Variants in PIGR observed in about 807,000 individuals in gnomAD.
PIGR encodes hepatocellular carcinoma associated protein TB6.
Under a neutral mutation model 69.5 loss-of-function variants are expected in PIGR, and 22 were observed. The ratio of observed to expected loss-of-function variants is 0.32; its 90% CI spans 0.23 to 0.45. The LOEUF (loss-of-function observed/expected upper bound fraction) is 0.45. PIGR is among the 20% of genes least tolerant of loss of function. PIGR has a pLI of 1.00. For synonymous variants in PIGR, 413 were observed against 407.6 expected (o/e 1.01, Z -0.16); for missense variants, 885 against 974.0 (o/e 0.91, Z 1.22).
At chr1:206,931,331 T>C in intron 10 of PIGR, 166 bp downstream of exon 10, 14 of 1,503,208 alleles carry the variant, frequency 9.3e-6, no homozygotes, top group Non-Finnish European at 1.2e-5. Context: ...ACCAGTAAGA[T>C]ATAGTTCTTC....
chr1:206,935,867 G>T lies in PIGR; in HGVS notation c.1046-49C>A. The T allele has an allele frequency of 1.4e-6, 2 of 1,385,402 alleles. No individual in the cohort carries two copies. The highest frequency in any genetic ancestry group is 9.9e-7 in the Non-Finnish European group (1 of 1,012,750). 85.8% of individuals were successfully genotyped at this position (1,385,402 alleles called of 1,614,324 possible). A position where few individuals can be genotyped will look rare whatever the true frequency, so the allele number is the denominator to read the frequency against. On this transcript the variant is annotated intron_variant, in intron 4 of 10. Transcript: ENST00000356495. This position sits in a 1 kb window ranked among gnomAD's most constrained non-coding sequence, Gnocchi z 4.4. ...ATGGGAGGATGGCCACGCAGGAAGA[G>T]CCTTGCGTGGCCTGAGAAGCCTTCT...
chr1:206,942,892 T>A, intron 1 of PIGR, among the ~76,000 whole-genome samples: 1 of 152,168 alleles, frequency 6.6e-6, no homozygotes, highest in East Asian at 1.9e-4. Context: ...CAGTCCTAGA[T>A]GGGATGATTG....
rs1679760612 is a variant in PIGR at position 206,931,868 on chromosome 1, G to T, written c.2009-66C>A. ...GGGACCTAGAAGGCCAGGCTGGGCT[G>T]CTTCTCTCTGGGCGGATCCACTGTA... On this transcript the variant is annotated intron_variant, in intron 8 of 10. Transcript: ENST00000356495. The T allele has an allele frequency of 4.4e-6, 7 of 1,585,972 alleles. 1 individual carries two copies. In the East Asian group the frequency reaches 6.7e-5, roughly 15 times the overall value.
rs2102595766 is a variant in PIGR, at chr1:206,930,660, C to A, written c.2200-247G>T. 2 of 985,400 alleles carry A rather than the reference C, an allele frequency of 2.0e-6. No homozygotes were observed. The highest frequency in any genetic ancestry group is 4.7e-5 in the South Asian group (1 of 21,280). The allele number at this position is 985,400 out of a possible 1,614,324, so 61.0% of individuals were successfully genotyped here. ...CCTCCTTCTGACACACGGAGTGGAA[C>A]CGCCTCTGTTGCCCGGGCCTGTCCC... On this transcript the variant is annotated intron_variant, in intron 10 of 10. Transcript: ENST00000356495. The surrounding 1 kb of genome is among the most constrained non-coding windows in gnomAD (Gnocchi z 4.3).
At chr1:206,945,873 C>A (rs938590121) in intron 1 of PIGR, among the ~76,000 whole-genome samples, 2 of 152,170 alleles carry the variant, frequency 1.3e-5, no homozygotes, top group African/African-American at 4.8e-5. Context: ...CTAGAGGTTA[C>A]AAAGCTATTT....
rs1163925253 is a variant in PIGR at position 206,932,517 on chromosome 1, C to T, written c.1947G>A (p.Leu649=). ...ALVSTLVPLG[L]VLAVGAVAVG... ...CAGCCACGGCTCCCACTGCCAGCAC[C>T]AGGCCCAGGGGCACCAGGGTGGAGA... The change falls in exon 8 of 11, where the codon CTG becomes CTA. Residue 649 remains leucine (L), a synonymous_variant. Coordinates refer to ENST00000356495, the MANE Select transcript of PIGR (RefSeq NM_002644.4). 6.2e-7 allele frequency: 1 copy of T among 1,613,662 alleles called. No homozygotes were observed. Among genetic ancestry groups the T allele is most frequent in the Non-Finnish European group, 8.5e-7 (1 of 1,180,002 alleles).
In PIGR at chr1:206,933,045, C is replaced by G; in HGVS notation, c.1827G>C (p.Lys609Asn). The G allele has an allele frequency of 6.2e-7, 1 of 1,614,212 alleles. No homozygotes were observed. The highest frequency in any genetic ancestry group is 8.5e-7 in the Non-Finnish European group (1 of 1,180,040). ...CTTGATCTCTTGTATCTGCCACCGC[C>G]TTTTCCTCTGCAAAAAGCCTGGGAT... ...IQDPRLFAEEKAVADTRDQAD... is the reference protein window; with the variant it reads ...IQDPRLFAEENAVADTRDQAD... Residue 609 changes from lysine to asparagine, a missense_variant, in exon 7 of 11, where the codon AAG becomes AAC. Lys to Asn is a moderately conservative substitution (Grantham distance 94, BLOSUM62 0). Transcript: ENST00000356495.
chr1:206,935,623 G>A lies in PIGR; in HGVS notation c.1241C>T (p.Ser414Phe). ...WVKAQYEGRL[S>F]LLEEPGNGTF... ...GCCGTTGCCTGGCTCCTCCAGCAGGGAGAGGCGGCCCTCGTACTGGGCCTT... is the reference window on the plus strand; with the variant it reads ...GCCGTTGCCTGGCTCCTCCAGCAGGAAGAGGCGGCCCTCGTACTGGGCCTT... Residue 414 changes from serine to phenylalanine, a missense_variant, in exon 5 of 11, where the codon TCC becomes TTC. Physicochemically the swap from Ser to Phe is radical, Grantham distance 155 (BLOSUM62 -2). Coordinates refer to ENST00000356495, the MANE Select transcript of PIGR (RefSeq NM_002644.4). This position sits in a 1 kb window ranked among gnomAD's most constrained non-coding sequence, Gnocchi z 4.4. 6.2e-7 allele frequency: 1 copy of A among 1,614,178 alleles called. No individual in the cohort carries two copies. The highest frequency in any genetic ancestry group is 8.5e-7 in the Non-Finnish European group (1 of 1,180,026).
Position 206,932,449 on chromosome 1 carries a change from G to A in PIGR, c.2008+7C>T. 1.2e-6 allele frequency: 2 copies of A among 1,608,620 alleles called. No homozygotes were observed. The highest frequency in any genetic ancestry group is 1.7e-6 in the Non-Finnish European group (2 of 1,178,154). On this transcript the variant is annotated splice_region_variant and intron_variant, in intron 8 of 10. Coordinates refer to ENST00000356495, the MANE Select transcript of PIGR (RefSeq NM_002644.4). ...GGTGGGAGGCAGGGAGTATCCCAGG[G>A]ACTCACCGACGTTCTTCCTGTGCCG...
At chr1:206,945,405 A>G (rs1293957791) in intron 1 of PIGR, among the ~76,000 whole-genome samples, 2 of 152,184 alleles carry the variant, frequency 1.3e-5, no homozygotes. Context: ...GGACGGTCCC[A>G]CTGCTGGCTT....
intron 6 of PIGR, among the ~76,000 whole-genome samples, chr1:206,933,480 A>G (rs1314162099): frequency 6.6e-6 from 1 of 152,136 alleles, no homozygotes; most frequent in Non-Finnish European, 1.5e-5. Context: ...ACGCTGCCCC[A>G]GGCTTCCTGA....
chr1:206,934,735 G>A lies in PIGR; in HGVS notation c.1390C>T (p.Leu464Phe), dbSNP rs1241703595. The change falls in exon 6 of 11, where the codon CTC becomes TTC. Residue 464 changes from leucine to phenylalanine, a missense_variant. By Grantham distance (22) the Leu-to-Phe change is conservative (BLOSUM62 0). Transcript: ENST00000356495. The part of the protein sequence containing the change: ...EIKIIEGEPN[L>F]KVPGNVTAVL... The stretch of plus-strand genomic sequence containing the variant: ...GCCGTGACATTCCCTGGTACCTTGA[G>A]GTTTGGTTCTCCTGGAGGAGGGAGG... 1.2e-6 allele frequency: 2 copies of A among 1,604,844 alleles called. No individual in the cohort carries two copies. The highest frequency in any genetic ancestry group is 2.2e-5 in the East Asian group (1 of 44,858).
chr1:206,943,161 C>A (rs1680029773), intron 1 of PIGR, among the ~76,000 whole-genome samples: 1 of 152,156 alleles, frequency 6.6e-6, no homozygotes. Context: ...ATGTTGGGCA[C>A]CTGCTACGTG....
chr1:206,934,185 TA>T (rs1409477123), intron 6 of PIGR, among the ~76,000 whole-genome samples: 1 of 152,222 alleles, frequency 6.6e-6, no homozygotes, highest in Non-Finnish European at 1.5e-5. Flanking sequence ...ATGCCGAGGT[TA>T]AATAGCAAAC....
chr1:206,937,690 G>A lies in PIGR; in HGVS notation c.450C>T (p.Ile150=). 1 of 1,614,034 alleles carries A rather than the reference G, an allele frequency of 6.2e-7. No individual in the cohort carries two copies. Among genetic ancestry groups the A allele is most frequent in the Non-Finnish European group, 8.5e-7 (1 of 1,179,958 alleles). Residue 150 remains isoleucine, a synonymous_variant, in exon 4 of 11, where the codon ATC becomes ATT. Transcript: ENST00000356495. Reference sequence around the variant, plus strand: ...CATTCTCAGTCTTGAAAGGGCAGTTGATGGTCACCGTTCTGCCCAGGTCCA... The same window carrying A: ...CATTCTCAGTCTTGAAAGGGCAGTTAATGGTCACCGTTCTGCCCAGGTCCA... ...YTVDLGRTVT[I]NCPFKTENAQ...
At chr1:206,942,189 C>T (rs184334384) in intron 1 of PIGR, among the ~76,000 whole-genome samples, 1 of 152,196 alleles carries the variant, frequency 6.6e-6, no homozygotes, top group Non-Finnish European at 1.5e-5. Flanking sequence ...AACGTTGAGG[C>T]TCTCTTGAGT....
Position 206,937,535 on chromosome 1 carries a change from A to T in PIGR, c.605T>A (p.Leu202Gln), listed in dbSNP as rs757168047. The T allele has an allele frequency of 6.2e-7, 1 of 1,614,248 alleles. No individual in the cohort carries two copies. Among genetic ancestry groups the T allele is most frequent in the Non-Finnish European group, 8.5e-7 (1 of 1,180,046 alleles). Reference protein sequence around the residue: ...RLDIQGTGQLLFSVVINQLRL... With the variant: ...RLDIQGTGQLQFSVVINQLRL... ...GAGTTGGTTGATGACAACGCTGAAC[A>T]GTAACTGGCCAGTACCCTGAATATC... The change falls in exon 4 of 11, where the codon CTG (leucine) becomes CAG (glutamine). Residue 202 changes from leucine to glutamine, a missense_variant. Leu to Gln is a moderately radical substitution (Grantham distance 113). Coordinates refer to ENST00000356495, the MANE Select transcript of PIGR (RefSeq NM_002644.4).
At chr1:206,934,807 A>G in intron 5 of PIGR, 61 bp from the exon 6 acceptor site, 1 of 1,216,604 alleles carries the variant, frequency 8.2e-7, no homozygotes, top group Non-Finnish European at 1.2e-6. Flanking sequence ...TGCTGCAGGG[A>G]AGTGACTCTG....
In PIGR at chr1:206,939,400, A is replaced by G; in HGVS notation, c.107T>C (p.Val36Ala). 3 of 1,614,144 alleles carry G rather than the reference A, an allele frequency of 1.9e-6. No homozygotes were observed. Among genetic ancestry groups the G allele is most frequent in the Non-Finnish European group, 2.5e-6 (3 of 1,179,978 alleles). The change falls in exon 3 of 11, where the codon GTG becomes GCG. Residue 36 changes from valine to alanine, a missense_variant. By Grantham distance (64) the Val-to-Ala change is moderately conservative (BLOSUM62 0). Coordinates refer to ENST00000356495, the MANE Select transcript of PIGR (RefSeq NM_002644.4). Reference sequence around the variant, plus strand: ...GGGTGGGTAGTAGCACGTGATGGACACTGAGTTACCTTCCACACTATTCAC... The same window carrying G: ...GGGTGGGTAGTAGCACGTGATGGACGCTGAGTTACCTTCCACACTATTCAC... ...EEVNSVEGNS[V>A]SITCYYPPTS... is the part of the protein sequence containing the mutation.
Sources: gnomAD v4.1 joint callset for allele counts (sites outside exome capture counted in the v4.1 genomes callset) on GRCh38, gnomAD v4.1.1 for gene constraint, Gnocchi (gnomAD v3.1) non-coding constraint, MANE v1.5 for transcripts, NCBI Gene and HGNC (gene_info 2026-07-23, HGNC 2026-07-21) for gene names.